The following ADAMTS12 variants were observed in gnomAD, a reference collection of about 807,000 sequenced individuals.
ADAMTS12 encodes ADAM metallopeptidase with thrombospondin type 1 motif 12, also known as A disintegrin and metalloproteinase with thrombospondin motifs 12.
In ADAMTS12, 118 loss-of-function variants were observed where a neutral mutation model predicts 167.8. The observed-to-expected ratio is 0.70, with a 90% confidence interval of 0.61 to 0.82. The LOEUF is 0.82. Ranked by LOEUF, ADAMTS12 falls within the 40% of genes least tolerant of loss-of-function variation. The probability of loss-of-function intolerance (pLI) is 0.00; values close to 1 mark genes in which losing one functional copy is unlikely to be tolerated. For synonymous variants in ADAMTS12, 704 were observed against 716.9 expected (o/e 0.98, Z 0.29); for missense variants, 1,916 against 1,998.8 (o/e 0.96, Z 0.79).
chr5:33,854,106 T>G (rs920970518), intron 2 of ADAMTS12, among the ~76,000 whole-genome samples: 2 of 152,222 alleles, frequency 1.3e-5, no homozygotes, highest in Non-Finnish European at 2.9e-5. Context: ...CATCTTATAC[T>G]GAAAGATCAC....
chr5:33,663,882 C>T (rs1579812636), intron 5 of ADAMTS12, among the ~76,000 whole-genome samples: 1 of 152,160 alleles, frequency 6.6e-6, no homozygotes, highest in Admixed American at 6.5e-5. Flanking sequence ...TTACCATTTA[C>T]AATTACCAAT....
At chr5:33,824,987 G>T (rs113633404) in intron 2 of ADAMTS12, among the ~76,000 whole-genome samples, 3 of 152,138 alleles carry the variant, frequency 2.0e-5, no homozygotes, top group Non-Finnish European at 4.4e-5. Flanking sequence ...TCTTGGAGGG[G>T]AGCCATCCCA....
At position 33,624,253 on chromosome 5, in the gene ADAMTS12, C is replaced by A; in HGVS notation, c.2121G>T (p.Met707Ile). ...DGSSCQTVRK[M>I]FKQKEGSGYV... ...TACCAGATCCTTCCTTCTGCTTAAA[C>A]ATCTTTCTCACAGTCTGGCAGGAAG... The change falls in exon 14 of 24, where the codon ATG (methionine) becomes ATT (isoleucine). Residue 707 changes from methionine to isoleucine, a missense_variant. Transcript: ENST00000504830. The A allele has an allele frequency of 6.2e-7, 1 of 1,614,112 alleles. No homozygotes were observed. The highest frequency in any genetic ancestry group is 8.5e-7 in the Non-Finnish European group (1 of 1,179,970).
At chr5:33,532,507 T>A (rs1338833607) in intron 23 of ADAMTS12, among the ~76,000 whole-genome samples, 1 of 151,408 alleles carries the variant, frequency 6.6e-6, no homozygotes, top group Non-Finnish European at 1.5e-5. Context: ...CTACCCTTCC[T>A]CAAATTAAAA....
At chr5:33,550,407 A>T (rs774895535) in intron 20 of ADAMTS12, among the ~76,000 whole-genome samples, 1 of 152,194 alleles carries the variant, frequency 6.6e-6, no homozygotes, top group Admixed American at 6.5e-5. Flanking sequence ...TCTCATGGCC[A>T]GACCTGGCCT....
At chr5:33,883,315 GGTTTTTTT>G (rs1292553213) in intron 1 of ADAMTS12, among the ~76,000 whole-genome samples, 1 of 136,724 alleles carries the variant, frequency 7.3e-6, no homozygotes, top group African/African-American at 2.7e-5. Flanking sequence ...TTGTTTGTTT[GGTTTTTTT>G]TTTGTTTTTT....
intron 18 of ADAMTS12, among the ~76,000 whole-genome samples, chr5:33,582,592 C>A (rs953396863): frequency 1.3e-5 from 2 of 152,240 alleles, no homozygotes; most frequent in East Asian, 3.8e-4. Context: ...GGTCACTCTG[C>A]ATTCCAACAC....
chr5:33,699,121 T>C (rs999507171), intron 3 of ADAMTS12, among the ~76,000 whole-genome samples: 14 of 152,094 alleles, frequency 9.2e-5, no homozygotes, highest in Admixed American at 2.6e-4. Flanking sequence ...CACACCATTG[T>C]ACTCCAGCCT....
At chr5:33,636,888 G>A (rs1405259211) in intron 12 of ADAMTS12, among the ~76,000 whole-genome samples, 7 of 152,086 alleles carry the variant, frequency 4.6e-5, no homozygotes, top group Non-Finnish European at 1.0e-4. Context: ...TGCCAAGGCC[G>A]CTATTCCATT....
chr5:33,580,556 C>A (rs559597405), intron 18 of ADAMTS12, among the ~76,000 whole-genome samples: 28 of 152,296 alleles, frequency 1.8e-4, no homozygotes, highest in African/African-American at 6.5e-4. Flanking sequence ...AGCTACCTAG[C>A]TGGTTGCTGA....
intron 2 of ADAMTS12, among the ~76,000 whole-genome samples, chr5:33,806,994 C>G (rs1293490063): frequency 6.6e-6 from 1 of 152,106 alleles, no homozygotes; most frequent in Non-Finnish European, 1.5e-5. Flanking sequence ...CGTGTCATAC[C>G]CCTGTTAAAA....
chr5:33,713,650 T>A (rs952684899), intron 3 of ADAMTS12, among the ~76,000 whole-genome samples: 4 of 151,398 alleles, frequency 2.6e-5, no homozygotes, highest in Admixed American at 2.0e-4. Flanking sequence ...GAAAAAAAAA[T>A]TGATGAGGAG....
intron 2 of ADAMTS12, among the ~76,000 whole-genome samples, chr5:33,763,084 A>G (rs1052229776): frequency 2.6e-5 from 4 of 152,200 alleles, no homozygotes; most frequent in Non-Finnish European, 4.4e-5. Flanking sequence ...GGACTGTTGA[A>G]GTTTGAGCAT....
Position 33,577,100 on chromosome 5 carries a change from C to T in ADAMTS12, c.2926G>A (p.Asp976Asn), listed in dbSNP as rs767143473. 1 of 1,614,182 alleles carries T rather than the reference C, an allele frequency of 6.2e-7. No homozygotes were observed. The highest frequency in any genetic ancestry group is 1.7e-5 in the Admixed American group (1 of 60,018). Residue 976 changes from aspartate to asparagine, a missense_variant, in exon 19 of 24, where the codon GAT (aspartate) becomes AAT (asparagine). Coordinates refer to ENST00000504830, the MANE Select transcript of ADAMTS12 (RefSeq NM_030955.4). ...IRSVTCAKNH[D>N]EPCDVTRKPN... ...TTCCTTGTCACATCGCAAGGTTCAT[C>T]ATGGTTCTTGGCACATGTGACACTG...
rs1440075072 is a variant in ADAMTS12, at chr5:33,577,134, C to T, written c.2892G>A (p.Val964=). 1 of 1,614,160 alleles carries T rather than the reference C, an allele frequency of 6.2e-7. No homozygotes were observed. Among genetic ancestry groups the T allele is most frequent in the Non-Finnish European group, 8.5e-7 (1 of 1,180,014 alleles). Residue 964 remains valine, a synonymous_variant, in exon 19 of 24, where the codon GTG becomes GTA. Coordinates refer to ENST00000504830, the MANE Select transcript of ADAMTS12 (RefSeq NM_030955.4). Reference sequence around the variant, plus strand: ...TGGCACATGTGACACTGCGAATCCGCACTCCACCACCACAGGAAACAGAAC... The same window carrying T: ...TGGCACATGTGACACTGCGAATCCGTACTCCACCACCACAGGAAACAGAAC... ...SECSVSCGGG[V]RIRSVTCAKN...
intron 5 of ADAMTS12, among the ~76,000 whole-genome samples, chr5:33,670,870 A>G (rs4593272): frequency 0.98 from 149,692 of 152,342 alleles, 73,589 homozygotes; most frequent in East Asian, 1. Flanking sequence ...GTAGTTGAAC[A>G]TCTATAGTAG....
At chr5:33,774,291 G>A (rs533287405) in intron 2 of ADAMTS12, among the ~76,000 whole-genome samples, 18 of 152,258 alleles carry the variant, frequency 1.2e-4, no homozygotes, top group African/African-American at 3.9e-4. Flanking sequence ...AAATTTAAGA[G>A]GGGAACCTGA....
In ADAMTS12 at chr5:33,849,591, CAT is replaced by C. The variant is rs1491388336; in HGVS notation, c.489+31526_489+31527del. Reference sequence around the variant, plus strand: ...CACATGTGTATTGCATAGCAATACACATATGTATTGCATAGCAATATATATGT... The same window carrying C: ...CACATGTGTATTGCATAGCAATACACATGTATTGCATAGCAATATATATGT... On this transcript the variant is annotated intron_variant, in intron 2 of 23. Coordinates refer to ENST00000504830, the MANE Select transcript of ADAMTS12 (RefSeq NM_030955.4). Among the ~76,000 whole-genome samples, 71 of 69,016 alleles carry C rather than the reference CAT, an allele frequency of 1.0e-3. 2 individuals carry two copies. The highest frequency in any genetic ancestry group is 2.4e-3 in the Admixed American group (16 of 6,692). 45.3% of individuals were successfully genotyped at this position (69,016 alleles called of 152,430 possible). A position where few individuals can be genotyped will look rare whatever the true frequency, so the allele number is the denominator to read the frequency against.
chr5:33,608,097 G>C (rs1204135600), intron 16 of ADAMTS12, among the ~76,000 whole-genome samples: 1 of 152,152 alleles, frequency 6.6e-6, no homozygotes, highest in Non-Finnish European at 1.5e-5. Flanking sequence ...GGGCATGGAA[G>C]CTCTATCACC....
Sources: gnomAD v4.1 joint callset for allele counts (sites outside exome capture counted in the v4.1 genomes callset) on GRCh38, gnomAD v4.1.1 for gene constraint, MANE v1.5 for transcripts, NCBI Gene and HGNC (gene_info 2026-07-23, HGNC 2026-07-21) for gene names.